AIDA: variants seen among roughly 807,000 people sequenced by gnomAD.
AIDA encodes axin interactor, dorsalization-associated protein.
A neutral mutation model predicts 42.7 loss-of-function variants in AIDA; 18 were observed. That is an observed-to-expected ratio of 0.42 (90% confidence interval 0.29 to 0.63). The LOEUF (loss-of-function observed/expected upper bound fraction) is 0.63, where lower values mean the gene tolerates loss of function less well. AIDA is among the 20% of genes least tolerant of loss of function. The pLI, the probability that AIDA is intolerant of heterozygous loss-of-function variation, is 0.19. For missense variants in AIDA, 250 were observed against 354.1 expected (o/e 0.71, Z 2.36); for synonymous variants, 104 against 122.9 (o/e 0.85, Z 1.02).
chr1:222,672,243 A>G (rs2124947262), intron 8 of AIDA, among the ~76,000 whole-genome samples: 1 of 152,298 alleles, frequency 6.6e-6, no homozygotes, highest in East Asian at 1.9e-4. Context: ...AACACAGTGT[A>G]ATAAAATAGA....
chr1:222,707,664 AC>A (rs964944302), intron 1 of AIDA, among the ~76,000 whole-genome samples: 99 of 152,298 alleles, frequency 6.5e-4, no homozygotes, highest in African/African-American at 2.2e-3. Flanking sequence ...GACTCATCTC[AC>A]CCTACAAAGG....
chr1:222,687,565 TAAG>T, intron 5 of AIDA, 27 bp downstream of exon 5: 2 of 1,464,536 alleles, frequency 1.4e-6, no homozygotes, highest in South Asian at 2.5e-5. Flanking sequence ...TAAAATAAAA[TAAG>T]AAAACAAATA....
intron 1 of AIDA, among the ~76,000 whole-genome samples, chr1:222,707,402 C>T (rs1655873178): frequency 6.6e-6 from 1 of 152,088 alleles, no homozygotes; most frequent in Admixed American, 6.5e-5. Context: ...AAGCATTCTA[C>T]CCATCTAAGG....
Position 222,703,861 on chromosome 1 carries a change from G to A in AIDA, c.111-644C>T, listed in dbSNP as rs576468717. Among the ~76,000 whole-genome samples, 3 of 152,204 alleles carry A rather than the reference G, an allele frequency of 2.0e-5. No homozygotes were observed. The South Asian group carries it at 6.2e-4, about 32-fold the overall frequency. On this transcript the variant is annotated intron_variant, in intron 1 of 9. Coordinates refer to ENST00000340020, the MANE Select transcript of AIDA (RefSeq NM_022831.4). Reference sequence around the variant, plus strand: ...TTATTAGTCCAAGCTCAACAATAAGGACCCAAAGTTATTTCTGAGACAGCA... The same window carrying A: ...TTATTAGTCCAAGCTCAACAATAAGAACCCAAAGTTATTTCTGAGACAGCA...
At chr1:222,678,323 A>G (rs1297408956) in intron 6 of AIDA, among the ~76,000 whole-genome samples, 1 of 151,956 alleles carries the variant, frequency 6.6e-6, no homozygotes, top group Admixed American at 6.6e-5. Context: ...TATATTAAGA[A>G]TATTAGTCGT....
At position 222,685,016 on chromosome 1, in the gene AIDA, C is replaced by T. The variant is rs150125534; in HGVS notation, c.460+1914G>A. The stretch of plus-strand genomic sequence containing the variant: ...GCAAAATATCTCACCATCTTGGCAA[C>T]CTTGAAATACCCTATAAAAGCAAGA... On this transcript the variant is annotated intron_variant, in intron 6 of 9. Coordinates refer to ENST00000340020, the MANE Select transcript of AIDA (RefSeq NM_022831.4). Among the ~76,000 whole-genome samples the T allele has an allele frequency of 1.5e-3, 225 of 152,206 alleles. 6 individuals carry two copies. In the South Asian group the frequency reaches 0.021, roughly 14 times the overall value.
intron 1 of AIDA, among the ~76,000 whole-genome samples, chr1:222,703,536 C>T (rs2124968760): frequency 6.6e-6 from 1 of 152,186 alleles, no homozygotes; most frequent in East Asian, 1.9e-4. Context: ...TATAATAAGC[C>T]AATAAGTAGT....
intron 6 of AIDA, 32 bp from the exon 7 acceptor site, chr1:222,676,250 A>T: frequency 1.3e-6 from 2 of 1,587,476 alleles, no homozygotes; most frequent in Non-Finnish European, 1.7e-6. Context: ...TAAAAGCTCC[A>T]TATCATTTCA....
At chr1:222,711,491 C>A (rs2124974814) in intron 1 of AIDA, 1 of 152,328 alleles carries the variant, frequency 6.6e-6, no homozygotes, top group East Asian at 1.9e-4. Flanking sequence ...CGGTTCACAT[C>A]CTGCGCGGAC....
intron 5 of AIDA, among the ~76,000 whole-genome samples, chr1:222,687,288 G>A (rs566389864): frequency 2.0e-5 from 3 of 152,108 alleles, no homozygotes; most frequent in South Asian, 2.1e-4. Flanking sequence ...AAAATTAGCT[G>A]GGCGTGGCAT....
rs1436129858 is a variant in AIDA at position 222,684,750 on chromosome 1, T to C, written c.460+2180A>G. Among the ~76,000 whole-genome samples the C allele has an allele frequency of 5.9e-5, 9 of 152,240 alleles. No homozygotes were observed. In the South Asian group the frequency reaches 1.9e-3, roughly 31 times the overall value. On this transcript the variant is annotated intron_variant, in intron 6 of 9. Transcript: ENST00000340020. ...CAGAATACAAATTCAGTTTGGGCTT[T>C]ATCTTACATAGCAAATGGATTTAAT...
chr1:222,693,298 A>G (rs2124961467), intron 4 of AIDA, among the ~76,000 whole-genome samples: 1 of 152,272 alleles, frequency 6.6e-6, no homozygotes, highest in East Asian at 1.9e-4. Context: ...AAACCAGCAA[A>G]AAAGCTTTAT....
chr1:222,680,464 T>C (rs1206279089), intron 6 of AIDA, among the ~76,000 whole-genome samples: 2 of 152,196 alleles, frequency 1.3e-5, no homozygotes, highest in Admixed American at 1.3e-4. Flanking sequence ...GAGAGGAAGG[T>C]TCTAAGCCTA....
At chr1:222,688,410 A>C (rs1655257724) in intron 4 of AIDA, among the ~76,000 whole-genome samples, 1 of 152,134 alleles carries the variant, frequency 6.6e-6, no homozygotes, top group African/African-American at 2.4e-5. Flanking sequence ...GCACCACATA[A>C]TAATGTTTCA....
rs372135443 is a variant in AIDA at position 222,681,581 on chromosome 1, T to C, written c.460+5349A>G. On this transcript the variant is annotated intron_variant, in intron 6 of 9. Transcript: ENST00000340020. ...GGGAGGCTGACGCAGGAGAATTGCTTGAACCAGGGAGGCAGAGGTTGCAGT... is the reference window on the plus strand; with the variant it reads ...GGGAGGCTGACGCAGGAGAATTGCTCGAACCAGGGAGGCAGAGGTTGCAGT... Among the ~76,000 whole-genome samples the C allele has an allele frequency of 5.9e-5, 9 of 152,302 alleles. No homozygotes were observed. The South Asian group carries it at 1.9e-3, about 32-fold the overall frequency.
In AIDA at chr1:222,712,394, G is replaced by A. The variant is rs1656110353; in HGVS notation, c.-77C>T. 6.8e-7 allele frequency: 1 copy of A among 1,474,098 alleles called. No individual in the cohort carries two copies. 91.3% of individuals were successfully genotyped at this position (1,474,098 alleles called of 1,614,324 possible). On this transcript the variant is annotated 5_prime_UTR_variant, in exon 1 of 10. Transcript: ENST00000340020. ...CTAGGGCGCCATCCTCCCCCGGCCT[G>A]GCCCCGACATTAACAGGGCCAGGAG...
chr1:222,677,298 T>C (rs949214591), intron 6 of AIDA, among the ~76,000 whole-genome samples: 5 of 152,194 alleles, frequency 3.3e-5, no homozygotes, highest in African/African-American at 1.2e-4. Flanking sequence ...TACTCTCTTA[T>C]TAATACTAAT....
At chr1:222,684,301 G>A (rs370512184) in intron 6 of AIDA, among the ~76,000 whole-genome samples, 97 of 152,036 alleles carry the variant, frequency 6.4e-4, no homozygotes, top group Non-Finnish European at 1.2e-3. Context: ...TAGTAGAGAC[G>A]GGGTTTCACC....
At chr1:222,702,711 A>G (rs901140483) in intron 2 of AIDA, among the ~76,000 whole-genome samples, 2 of 152,126 alleles carry the variant, frequency 1.3e-5, no homozygotes, top group African/African-American at 4.8e-5. Context: ...GTTTGTTCTG[A>G]GAGAAGGTAG....
Sources: gnomAD v4.1 joint callset for allele counts (sites outside exome capture counted in the v4.1 genomes callset) on GRCh38, gnomAD v4.1.1 for gene constraint, MANE v1.5 for transcripts, NCBI Gene and HGNC (gene_info 2026-07-23, HGNC 2026-07-21) for gene names.